CYP4A11: variants seen among roughly 807,000 people sequenced by gnomAD.
CYP4A11 encodes the protein cytochrome P450 4A11.
CYP4A11 carries 52 observed loss-of-function variants against 57.7 expected under a neutral mutation model. That is an observed-to-expected ratio of 0.90 (90% confidence interval 0.72 to 1.14). The LOEUF (loss-of-function observed/expected upper bound fraction) is 1.14, where lower values mean the gene tolerates loss of function less well. CYP4A11 is among the 50% of genes most tolerant of loss of function. CYP4A11 has a pLI of 0.00. For missense variants in CYP4A11, 641 were observed against 642.1 expected (o/e 1.00, Z 0.02); for synonymous variants, 228 against 247.1 (o/e 0.92, Z 0.72).
chr1:46,941,068 A>T, intron 1 of CYP4A11, 171 bp downstream of exon 1: 3 of 953,606 alleles, frequency 3.1e-6, no homozygotes, highest in Non-Finnish European at 3.7e-6. Context: ...TTCATGGGAG[A>T]AGTGAGCTCC....
intron 1 of CYP4A11, among the ~76,000 whole-genome samples, chr1:46,938,606 G>T (rs1341129860): frequency 1.3e-5 from 2 of 152,158 alleles, no homozygotes; most frequent in East Asian, 3.8e-4. Flanking sequence ...TAGCATTTGG[G>T]ATGTGTATTG....
At chr1:46,936,838 TGTG>T (rs2148462052) in intron 3 of CYP4A11, 47 bp from the exon 4 acceptor site, 1 of 1,560,414 alleles carries the variant, frequency 6.4e-7, no homozygotes, top group Middle Eastern at 1.7e-4. Context: ...TGTGTGTGTG[TGTG>T]TGTCAGGGGC....
At chr1:46,941,187 C>T in intron 1 of CYP4A11, 52 bp downstream of exon 1, 1 of 1,570,032 alleles carries the variant, frequency 6.4e-7, no homozygotes, top group East Asian at 2.3e-5. Flanking sequence ...ACCAGGGTCT[C>T]AGAGCCCCAT....
In CYP4A11 at chr1:46,941,426, A is replaced by G. The variant is rs772300381; in HGVS notation, c.8T>C (p.Val3Ala). Reference sequence around the variant, plus strand: ...GAGTCTGCTGGGGCTCAGCACAGAGACACTCATGGTGCAGCACCTGCTGGA... The same window carrying G: ...GAGTCTGCTGGGGCTCAGCACAGAGGCACTCATGGTGCAGCACCTGCTGGA... Reference protein sequence around the residue: MSVSVLSPSRLLG... With the variant: MSASVLSPSRLLG... The change falls in exon 1 of 12, where the codon GTC becomes GCC. Residue 3 changes from valine to alanine, a missense_variant. Val to Ala is a moderately conservative substitution (Grantham distance 64). Coordinates refer to ENST00000310638, the MANE Select transcript of CYP4A11 (RefSeq NM_000778.4). 1.2e-5 allele frequency: 19 copies of G among 1,613,816 alleles called. No homozygotes were observed. Among genetic ancestry groups the G allele is most frequent in the Non-Finnish European group, 1.6e-5 (19 of 1,179,920 alleles).
At chr1:46,940,430 G>C (rs1681682283) in intron 1 of CYP4A11, among the ~76,000 whole-genome samples, 1 of 152,226 alleles carries the variant, frequency 6.6e-6, no homozygotes, top group African/African-American at 2.4e-5. Context: ...TCATCAAGCT[G>C]TGCCAGGATT....
rs773709779 is a variant in CYP4A11, at chr1:46,935,007, C to T, written c.783G>A (p.Gln261=). 3.1e-6 allele frequency: 5 copies of T among 1,613,680 alleles called. No individual in the cohort carries two copies. Among genetic ancestry groups the T allele is most frequent in the Non-Finnish European group, 4.2e-6 (5 of 1,179,814 alleles). The stretch of plus-strand genomic sequence containing the variant: ...AAGAGGAAAAGACAGAACCTGTGTG[C>T]TGATGGGCCAGCTGGCAGGCGCGGT... The part of the protein sequence containing the change: ...WTHRACQLAH[Q]HTDQVIQLRK... Residue 261 remains glutamine (Q), a synonymous_variant, in exon 6 of 12, where the codon CAG becomes CAA. Transcript: ENST00000310638.
intron 9 of CYP4A11, among the ~76,000 whole-genome samples, chr1:46,933,555 G>A (rs1681168734): frequency 1.3e-5 from 2 of 152,192 alleles, no homozygotes; most frequent in South Asian, 4.1e-4. Flanking sequence ...CCATCAACCT[G>A]AGGGTTCCTC....
rs145599381 is a variant in CYP4A11, at chr1:46,933,998, G to T, written c.1170C>A (p.Gly390=). The stretch of plus-strand genomic sequence containing the variant: ...AGGTGACGGGAGTGCTGAGCTCTCT[G>T]CCAATGCCTGGCACCGGTGGGTAGA... ...LRLYPPVPGI[G]RELSTPVTFP... Residue 390 remains glycine (G), a synonymous_variant, in exon 9 of 12, where the codon GGC becomes GGA. Transcript: ENST00000310638. 3.7e-3 allele frequency: 6,000 copies of T among 1,613,332 alleles called. 142 individuals carry two copies. In the East Asian group the frequency reaches 0.062, roughly 17 times the overall value.
chr1:46,929,886 C>CTTCTCCCAACACTCAGCTT lies in CYP4A11; in HGVS notation c.*210_*228dup, dbSNP rs1680904598. The CTTCTCCCAACACTCAGCTT allele has an allele frequency of 1.8e-6, 1 of 543,242 alleles. No homozygotes were observed. The highest frequency in any genetic ancestry group is 3.3e-6 in the Non-Finnish European group (1 of 307,352). The allele number at this position is 543,242 out of a possible 1,614,324, so 33.7% of individuals were successfully genotyped here. ...GTCAGACATGCAAGCTCGGCCTCAG[C>CTTCTCCCAACACTCAGCTT]TTCTCCCAACACTCAGCTTTTCTCC... On this transcript the variant is annotated 3_prime_UTR_variant, in exon 12 of 12. Transcript: ENST00000310638.
intron 9 of CYP4A11, 118 bp from the exon 10 acceptor site, chr1:46,933,165 T>A: frequency 2.1e-6 from 3 of 1,434,704 alleles, no homozygotes; most frequent in Non-Finnish European, 2.9e-6. Flanking sequence ...ATTTTCACTT[T>A]GACTGGGATG....
Position 46,935,122 on chromosome 1 carries a change from T to G in CYP4A11, c.668A>C (p.Asp223Ala). Reference sequence around the variant, plus strand: ...ACGGGAAAAAACCAGGTTGTTCAGGTCACTAATGGCCTGTATGTAGGACTG... The same window carrying G: ...ACGGGAAAAAACCAGGTTGTTCAGGGCACTAATGGCCTGTATGTAGGACTG... ...NSQSYIQAIS[D>A]LNNLVFSRVR... The change falls in exon 6 of 12, where the codon GAC (aspartate) becomes GCC (alanine). Residue 223 changes from aspartate (D) to alanine (A), a missense_variant. By Grantham distance (126) the Asp-to-Ala change is moderately radical. Transcript: ENST00000310638. 6.2e-7 allele frequency: 1 copy of G among 1,614,114 alleles called. No individual in the cohort carries two copies. Among genetic ancestry groups the G allele is most frequent in the Non-Finnish European group, 8.5e-7 (1 of 1,180,020 alleles).
Position 46,930,289 on chromosome 1 carries a change from A to C in CYP4A11, c.1386T>G (p.Phe462Leu). 6.2e-7 allele frequency: 1 copy of C among 1,613,434 alleles called. No homozygotes were observed. ...GGSRNCIGKQ[F>L]AMNELKVATA... ...TGGCCACCTTCAGCTCGTTCATGGC[A>C]AATTGTTTCCCGATGCAGTTCCTGG... Residue 462 changes from phenylalanine (F) to leucine (L), a missense_variant, in exon 12 of 12, where the codon TTT (phenylalanine) becomes TTG (leucine). Transcript: ENST00000310638.
chr1:46,941,247 T>G lies in CYP4A11; in HGVS notation c.187A>C (p.Ile63Leu), dbSNP rs1200488431. 47 of 1,612,992 alleles carry G rather than the reference T, an allele frequency of 2.9e-5. No individual in the cohort carries two copies. Among genetic ancestry groups the G allele is most frequent in the Non-Finnish European group, 3.6e-5 (42 of 1,179,458 alleles). The change falls in exon 1 of 12, where the codon ATC (isoleucine) becomes CTC (leucine). Residue 63 changes from isoleucine to leucine, a missense_variant. Transcript: ENST00000310638. ...CPPSHWLFGH[I>L]QELQQDQELQ... ...ATTGAGTTCCTCCCTACCTCCTGGA[T>G]GTGCCCGAAGAGCCAGTGGGAGGGA...
chr1:46,937,419 C>T, intron 2 of CYP4A11, 73 bp from the exon 3 acceptor site: 1 of 1,514,420 alleles, frequency 6.6e-7, no homozygotes, highest in Non-Finnish European at 9.1e-7. Flanking sequence ...TGCATCAATT[C>T]TTGGTGTCTG....
At chr1:46,934,597 C>G (rs775800245) in intron 6 of CYP4A11, 38 bp from the exon 7 acceptor site, 1 of 1,573,178 alleles carries the variant, frequency 6.4e-7, no homozygotes. Flanking sequence ...GAGCTGAGAC[C>G]GTCAGCAGCC....
In CYP4A11 at chr1:46,934,508, T is replaced by C. The variant is rs201985706; in HGVS notation, c.842A>G (p.Glu281Gly). 373 of 1,613,744 alleles carry C rather than the reference T, an allele frequency of 2.3e-4. 2 individuals are homozygous for C. Among genetic ancestry groups the C allele is most frequent in the Non-Finnish European group, 8.1e-5 (96 of 1,179,864 alleles). ...CAAATGCCTCTTCCTCTTGATCTTC[T>C]CCAGCTCCCCCTCCTTCTGTAGTTG... is the stretch of plus-strand genomic sequence containing the variant. Reference protein sequence around the residue: ...KAQLQKEGELEKIKRKRHLDF... With the variant: ...KAQLQKEGELGKIKRKRHLDF... Residue 281 changes from glutamate (E) to glycine (G), a missense_variant, in exon 7 of 12, where the codon GAG becomes GGG. Physicochemically the swap from Glu to Gly is moderately conservative, Grantham distance 98. Coordinates refer to ENST00000310638, the MANE Select transcript of CYP4A11 (RefSeq NM_000778.4).
In CYP4A11 at chr1:46,935,059, C is replaced by T. The variant is rs370227361; in HGVS notation, c.731G>A (p.Ser244Asn). ...TGTCCAGCGGCCAGCAGAGGTCAGG[C>T]TGTAGATGGTGTCATTCTGGTGAAA... is the stretch of plus-strand genomic sequence containing the variant. ...NAFHQNDTIY[S>N]LTSAGRWTHR... Residue 244 changes from serine (S) to asparagine (N), a missense_variant, in exon 6 of 12, where the codon AGC becomes AAC. Transcript: ENST00000310638. The T allele has an allele frequency of 2.2e-4, 353 of 1,614,072 alleles. No homozygotes were observed. Among genetic ancestry groups the T allele is most frequent in the Non-Finnish European group, 2.9e-4 (345 of 1,180,052 alleles).
At position 46,933,928 on chromosome 1, in the gene CYP4A11, G is replaced by A. The variant is rs111236170; in HGVS notation, c.1222+18C>T. 5.0e-6 allele frequency: 8 copies of A among 1,613,926 alleles called. No individual in the cohort carries two copies. The highest frequency in any genetic ancestry group is 4.0e-5 in the African/African-American group (3 of 74,922). ...TCCCTGTGGAGAGTTTAGGTGAGAGGGTGGGGGAACTTCATACCTTTGGGC... is the reference window on the plus strand; with the variant it reads ...TCCCTGTGGAGAGTTTAGGTGAGAGAGTGGGGGAACTTCATACCTTTGGGC... On this transcript the variant is annotated intron_variant, in intron 9 of 11. Transcript: ENST00000310638.
chr1:46,938,680 A>G (rs1288560069), intron 1 of CYP4A11, among the ~76,000 whole-genome samples: 4 of 152,216 alleles, frequency 2.6e-5, no homozygotes, highest in Non-Finnish European at 5.9e-5. Flanking sequence ...TTGAATATGT[A>G]CAGATTTATG....
Sources: allele counts gnomAD v4.1 joint callset (sites outside exome capture counted in the v4.1 genomes callset), GRCh38; gene constraint gnomAD v4.1.1; transcripts MANE v1.5; gene names NCBI Gene and HGNC (gene_info 2026-07-23, HGNC 2026-07-21).